The following BIN3 variants were observed in gnomAD, a reference collection of about 807,000 sequenced individuals.
BIN3 encodes bridging integrator 3.
A neutral mutation model predicts 38.2 loss-of-function variants in BIN3; 41 were observed. The ratio of observed to expected loss-of-function variants is 1.07; its 90% CI spans 0.84 to 1.39. The LOEUF (loss-of-function observed/expected upper bound fraction) is 1.39, where lower values mean the gene tolerates loss of function less well. BIN3 is among the 40% of genes most tolerant of loss of function. BIN3 has a pLI of 0.00. For synonymous variants in BIN3, 145 were observed against 122.6 expected (o/e 1.18, Z -1.21); for missense variants, 361 against 324.3 (o/e 1.11, Z -0.87).
rs570969502 is a variant in BIN3, at chr8:22,668,996, TCGCGGGTC to T, written c.8+40_8+47del. ...CGGCACTGACACAGGGCCAGGGGCC[TCGCGGGTC>T]CGCGGGTCCAGCAGCTCCCGCCGCC... On this transcript the variant is annotated intron_variant, in intron 1 of 8. Transcript: ENST00000276416. The T allele has an allele frequency of 1.4e-3, 2,147 of 1,559,288 alleles. 8 individuals are homozygous for T. In the Middle Eastern group the frequency reaches 0.014, roughly 10 times the overall value.
At position 22,620,536 on chromosome 8, in the gene BIN3, G is replaced by A. The variant is rs1228069444; in HGVS notation, c.*886C>T. ...GCTTGCCCGCGTGCCCTCCCACCCA[G>A]CGCCTCTGCTGGACCACGGTGCAGT... On this transcript the variant is annotated 3_prime_UTR_variant, in exon 9 of 9. Transcript: ENST00000276416. The A allele has an allele frequency of 6.8e-6, 1 of 146,558 alleles. No homozygotes were observed. Among genetic ancestry groups the A allele is most frequent in the African/African-American group, 2.5e-5 (1 of 39,932 alleles). 9.1% of individuals were successfully genotyped at this position (146,558 alleles called of 1,614,324 possible).
intron 2 of BIN3, among the ~76,000 whole-genome samples, chr8:22,641,919 A>G (rs1473458276): frequency 1.3e-5 from 2 of 151,990 alleles, no homozygotes; most frequent in African/African-American, 4.8e-5. Flanking sequence ...GGACCTGGGG[A>G]GTGGGAGGGG....
intron 1 of BIN3, among the ~76,000 whole-genome samples, chr8:22,667,519 G>A (rs1803460306): frequency 6.6e-6 from 1 of 152,196 alleles, no homozygotes; most frequent in Non-Finnish European, 1.5e-5. Flanking sequence ...TCAAGACGCA[G>A]CAGCCAAAAG....
chr8:22,651,754 G>GTT (rs1563975777), intron 1 of BIN3, among the ~76,000 whole-genome samples: 3 of 152,052 alleles, frequency 2.0e-5, no homozygotes, highest in African/African-American at 4.8e-5. Flanking sequence ...GTTTGTCACG[G>GTT]TGTTGTATAA....
chr8:22,644,415 T>G (rs1460209966), intron 2 of BIN3, among the ~76,000 whole-genome samples: 1 of 152,240 alleles, frequency 6.6e-6, no homozygotes, highest in Non-Finnish European at 1.5e-5. Context: ...TGGGGGCCAC[T>G]CTTTCAGGAA....
intron 7 of BIN3, 21 bp downstream of exon 7, chr8:22,624,201 C>T (rs1171544149): frequency 1.2e-6 from 2 of 1,609,974 alleles, no homozygotes; most frequent in Non-Finnish European, 1.7e-6. Context: ...CTAGCCCCTG[C>T]CCACCTGTCT....
At chr8:22,639,055 T>C (rs1320158653) in intron 2 of BIN3, among the ~76,000 whole-genome samples, 1 of 152,228 alleles carries the variant, frequency 6.6e-6, no homozygotes, top group East Asian at 1.9e-4. Context: ...CTGGTGTAAC[T>C]GCAGGTGGGA....
intron 1 of BIN3, among the ~76,000 whole-genome samples, chr8:22,648,978 G>T (rs1277351260): frequency 3.3e-5 from 5 of 151,884 alleles, no homozygotes; most frequent in African/African-American, 1.2e-4. Context: ...CCAGCTCTAC[G>T]ACATGTACCA....
chr8:22,661,918 G>A (rs1335879966), intron 1 of BIN3, among the ~76,000 whole-genome samples: 1 of 145,234 alleles, frequency 6.9e-6, no homozygotes, highest in Non-Finnish European at 1.5e-5. Flanking sequence ...AGCCTCTTGA[G>A]TAGCGGGGAT....
intron 6 of BIN3, among the ~76,000 whole-genome samples, chr8:22,627,240 C>T (rs1401439195): frequency 5.9e-5 from 9 of 152,168 alleles, no homozygotes; most frequent in Non-Finnish European, 1.5e-5. Context: ...ACAAGTGTCA[C>T]ACCTTTCTAC....
rs190323496 is a variant in BIN3 at position 22,636,620 on chromosome 8, C to T, written c.99-34G>A. ...CAGGGGACGGGCTGCTTGGGGTCCC[C>T]TTCCTTCCCCCTACCTGAGCGAAGC... On this transcript the variant is annotated intron_variant, in intron 3 of 8. Transcript: ENST00000276416. The T allele has an allele frequency of 3.6e-5, 56 of 1,549,020 alleles. 2 individuals carry two copies. The South Asian group carries it at 6.3e-4, about 17-fold the overall frequency.
chr8:22,624,390 G>A (rs1801944206), intron 6 of BIN3, 27 bp from the exon 7 acceptor site: 1 of 1,604,104 alleles, frequency 6.2e-7, no homozygotes, highest in African/African-American at 1.3e-5. Flanking sequence ...CTGGAGATGG[G>A]CCCGTTCTTG....
At chr8:22,633,828 G>A (rs1044270730) in intron 4 of BIN3, among the ~76,000 whole-genome samples, 9 of 152,226 alleles carry the variant, frequency 5.9e-5, no homozygotes, top group African/African-American at 1.4e-4. Flanking sequence ...CTGATGCCCC[G>A]TACATGAGAC....
In BIN3 at chr8:22,634,014, C is replaced by T. The variant is rs2003907; in HGVS notation, c.160+2511G>A. On this transcript the variant is annotated intron_variant, in intron 4 of 8. Coordinates refer to ENST00000276416, the MANE Select transcript of BIN3 (RefSeq NM_018688.6). ...AAGCTTTCCACAGCCATGGACGGTG[C>T]GTCACGGACCCCTGATGCCCTCCTT... Among the ~76,000 whole-genome samples, 843 of 152,320 alleles carry T rather than the reference C, an allele frequency of 5.5e-3. 9 individuals carry two copies. Among genetic ancestry groups the T allele is most frequent in the African/African-American group, 0.02 (812 of 41,554 alleles).
Position 22,635,985 on chromosome 8 carries a change from C to T in BIN3, c.160+540G>A, listed in dbSNP as rs148823383. ...TCCAGCCAAGAAACCTCCCCAAGGGCCCTGGCTGTTTCCCAGCACCTGCTG... is the reference window on the plus strand; with the variant it reads ...TCCAGCCAAGAAACCTCCCCAAGGGTCCTGGCTGTTTCCCAGCACCTGCTG... On this transcript the variant is annotated intron_variant, in intron 4 of 8. Coordinates refer to ENST00000276416, the MANE Select transcript of BIN3 (RefSeq NM_018688.6). Among the ~76,000 whole-genome samples the T allele has an allele frequency of 1.6e-3, 245 of 152,304 alleles. 2 individuals carry two copies. The highest frequency in any genetic ancestry group is 5.8e-3 in the African/African-American group (241 of 41,562).
chr8:22,668,960 G>C, intron 1 of BIN3, 84 bp downstream of exon 1: 1 of 1,529,966 alleles, frequency 6.5e-7, no homozygotes, highest in East Asian at 2.5e-5. Flanking sequence ...GGACCGGAGG[G>C]AGCCGGGACG....
At chr8:22,654,608 A>G (rs1803001147) in intron 1 of BIN3, among the ~76,000 whole-genome samples, 2 of 152,156 alleles carry the variant, frequency 1.3e-5, no homozygotes, top group Admixed American at 1.3e-4. Flanking sequence ...AGCCTCCTTC[A>G]CTTAGCAAAA....
chr8:22,655,279 T>G (rs531921849), intron 1 of BIN3, among the ~76,000 whole-genome samples: 2 of 151,478 alleles, frequency 1.3e-5, no homozygotes, highest in South Asian at 4.1e-4. Context: ...TTTTAAATTT[T>G]GATGAAGTCC....
chr8:22,636,523 A>G lies in BIN3; in HGVS notation c.160+2T>C, dbSNP rs1284399964. On this transcript the variant is annotated splice_donor_variant, in intron 4 of 8. Coordinates refer to ENST00000276416, the MANE Select transcript of BIN3 (RefSeq NM_018688.6). LOFTEE classifies it high-confidence loss of function. The stretch of plus-strand genomic sequence containing the variant: ...GAGTGGTGCGGGTGGAAAGTCACCT[A>G]CCCAGGTCTGCGTCGGTGCTCTTCT... 21 of 1,552,070 alleles carry G rather than the reference A, an allele frequency of 1.4e-5. No individual in the cohort carries two copies. Among genetic ancestry groups the G allele is most frequent in the African/African-American group, 5.5e-5 (4 of 73,052 alleles).
Sources: gnomAD v4.1 joint callset for allele counts (sites outside exome capture counted in the v4.1 genomes callset) on GRCh38, gnomAD v4.1.1 for gene constraint, MANE v1.5 for transcripts, NCBI Gene and HGNC (gene_info 2026-07-23, HGNC 2026-07-21) for gene names.